The following PHKB variants were observed in gnomAD, a reference collection of about 807,000 sequenced individuals.
PHKB encodes the protein phosphorylase b kinase regulatory subunit beta.
In PHKB, 122 loss-of-function variants were observed where a neutral mutation model predicts 152.1. That is an observed-to-expected ratio of 0.80 (90% confidence interval 0.69 to 0.93). PHKB has a LOEUF of 0.93. Among genes scored for constraint, PHKB ranks in the 40% least tolerant of loss-of-function variants. The pLI, the probability that PHKB is intolerant of heterozygous loss-of-function variation, is 0.00. For synonymous variants in PHKB, 436 were observed against 464.9 expected (o/e 0.94, Z 0.80); for missense variants, 1,304 against 1,328.4 (o/e 0.98, Z 0.29).
intron 5 of PHKB, among the ~76,000 whole-genome samples, chr16:47,514,864 T>A (rs936001254): frequency 2.6e-5 from 4 of 152,362 alleles, no homozygotes; most frequent in African/African-American, 9.6e-5. Context: ...AAATATCTAT[T>A]TTTAATACAC....
intron 14 of PHKB, among the ~76,000 whole-genome samples, chr16:47,639,456 T>C (rs767944069): frequency 4.9e-4 from 75 of 152,106 alleles, no homozygotes; most frequent in Non-Finnish European, 6.3e-4. Context: ...TGGGCTGGAG[T>C]TGTAAGTCCA....
intron 13 of PHKB, chr16:47,598,746 A>G: frequency 6.3e-7 from 1 of 1,587,166 alleles, no homozygotes; most frequent in Admixed American, 1.7e-5. Context: ...GATTTAGTTC[A>G]TGTTCAGCCT....
chr16:47,465,657 A>G (rs922648408), intron 1 of PHKB, among the ~76,000 whole-genome samples: 2 of 152,242 alleles, frequency 1.3e-5, no homozygotes, highest in African/African-American at 4.8e-5. Context: ...TGTTAAAATA[A>G]TAAGTACCAT....
intron 1 of PHKB, among the ~76,000 whole-genome samples, chr16:47,474,488 T>A (rs1283010878): frequency 6.6e-6 from 1 of 152,216 alleles, no homozygotes; most frequent in Non-Finnish European, 1.5e-5. Context: ...TTTGAAAATA[T>A]ACTCATCAGG....
chr16:47,652,869 C>T (rs140203581), intron 20 of PHKB, among the ~76,000 whole-genome samples: 2 of 152,284 alleles, frequency 1.3e-5, no homozygotes, highest in East Asian at 1.9e-4. Context: ...TCTCAAACTC[C>T]TGGGCTCAAG....
chr16:47,658,093 T>C (rs1973370475), intron 20 of PHKB, among the ~76,000 whole-genome samples: 1 of 152,180 alleles, frequency 6.6e-6, no homozygotes, highest in Non-Finnish European at 1.5e-5. Flanking sequence ...CTTCAAATGG[T>C]CTATGTGCTC....
intron 1 of PHKB, among the ~76,000 whole-genome samples, chr16:47,465,888 C>T (rs1969660310): frequency 6.6e-6 from 1 of 152,194 alleles, no homozygotes; most frequent in African/African-American, 2.4e-5. Context: ...TATTTTAAAG[C>T]ACATCCTTGC....
In PHKB at chr16:47,530,132, CTTTTTTT is replaced by C. The variant is rs201960518; in HGVS notation, c.594+14545_594+14551del. ...AAGGAGATACTGATTATATAAACTCCTTTTTTTTTTTTTTTTTTTTCCAGACAGAGTC... is the reference window on the plus strand; with the variant it reads ...AAGGAGATACTGATTATATAAACTCCTTTTTTTTTTTTTCCAGACAGAGTC... On this transcript the variant is annotated intron_variant, in intron 6 of 30. Coordinates refer to ENST00000323584, the MANE Select transcript of PHKB (RefSeq NM_000293.3). Among the ~76,000 whole-genome samples the C allele has an allele frequency of 3.7e-3, 483 of 129,722 alleles. 2 individuals carry two copies. The highest frequency in any genetic ancestry group is 0.012 in the Middle Eastern group (3 of 254). The allele number at this position is 129,722 out of a possible 152,430, so 85.1% of individuals were successfully genotyped here. A position where few individuals can be genotyped will look rare whatever the true frequency, so the allele number is the denominator to read the frequency against.
rs199709286 is a variant in PHKB, at chr16:47,664,896, G to A, written c.2348G>A (p.Arg783His). The stretch of plus-strand genomic sequence containing the variant: ...ACTGACACACCCAGGTTGGCGGTGC[G>A]CTACGGGGCTGCATTTACCCAGAAA... ...AGSQKLWLAVRYGAAFTQKFS... is the reference protein window; with the variant it reads ...AGSQKLWLAVHYGAAFTQKFS... Residue 783 changes from arginine (R) to histidine (H), a missense_variant, in exon 25 of 31, where the codon CGC becomes CAC. By Grantham distance (29) the Arg-to-His change is conservative (BLOSUM62 0). Coordinates refer to ENST00000323584, the MANE Select transcript of PHKB (RefSeq NM_000293.3). 41 of 1,612,862 alleles carry A rather than the reference G, an allele frequency of 2.5e-5. No individual in the cohort carries two copies. Among genetic ancestry groups the A allele is most frequent in the South Asian group, 2.5e-4 (23 of 90,994 alleles).
At chr16:47,499,516 T>A (rs1412728667) in intron 2 of PHKB, among the ~76,000 whole-genome samples, 1 of 152,268 alleles carries the variant, frequency 6.6e-6, no homozygotes, top group African/African-American at 2.4e-5. Context: ...AAAGGCTTTT[T>A]AAGTCCTAAT....
At chr16:47,647,365 C>T (rs894670041) in intron 16 of PHKB, among the ~76,000 whole-genome samples, 1 of 152,142 alleles carries the variant, frequency 6.6e-6, no homozygotes, top group Non-Finnish European at 1.5e-5. Context: ...CTCAGGTGAT[C>T]CACCCACCTC....
At chr16:47,604,324 ACACTCAGATCT>A (rs1230853848) in intron 13 of PHKB, among the ~76,000 whole-genome samples, 1 of 152,168 alleles carries the variant, frequency 6.6e-6, no homozygotes, top group African/African-American at 2.4e-5. Flanking sequence ...AAATCTTTAC[ACACTCAGATCT>A]ACCAGTGTTT....
chr16:47,599,941 A>AT (rs1443569658), intron 13 of PHKB, among the ~76,000 whole-genome samples: 1 of 152,206 alleles, frequency 6.6e-6, no homozygotes, highest in Non-Finnish European at 1.5e-5. Context: ...TTAAGATTCC[A>AT]GATACAAATT....
At chr16:47,540,560 C>T (rs1971036384) in intron 6 of PHKB, among the ~76,000 whole-genome samples, 1 of 152,000 alleles carries the variant, frequency 6.6e-6, no homozygotes, top group Non-Finnish European at 1.5e-5. Flanking sequence ...TGTGATGTCA[C>T]CCCTGGCGGC....
intron 7 of PHKB, among the ~76,000 whole-genome samples, chr16:47,564,528 T>A (rs1384407306): frequency 6.6e-6 from 1 of 152,024 alleles, no homozygotes; most frequent in Admixed American, 6.6e-5. Context: ...GATTTTTTCC[T>A]TTCTTGCTGA....
chr16:47,616,041 T>C (rs1972508608), intron 14 of PHKB, among the ~76,000 whole-genome samples: 2 of 152,220 alleles, frequency 1.3e-5, no homozygotes, highest in South Asian at 4.1e-4. Context: ...TTGTTTCTTT[T>C]TATTATTGTA....
intron 26 of PHKB, among the ~76,000 whole-genome samples, chr16:47,674,775 C>T (rs976649640): frequency 1.1e-4 from 16 of 152,250 alleles, no homozygotes; most frequent in South Asian, 1.0e-3. Flanking sequence ...GCACTGAACC[C>T]TTGGTACTGT....
intron 16 of PHKB, among the ~76,000 whole-genome samples, chr16:47,645,596 G>A (rs1193540514): frequency 2.0e-4 from 29 of 148,454 alleles, no homozygotes; most frequent in Admixed American, 9.5e-4. Context: ...TACCAGTACC[G>A]TGCTGTTTTG....
chr16:47,467,309 A>G (rs1446084496), intron 1 of PHKB, among the ~76,000 whole-genome samples: 1 of 152,198 alleles, frequency 6.6e-6, no homozygotes, highest in Non-Finnish European at 1.5e-5. Context: ...TCAGAATTTA[A>G]TATTAATAGA....
Sources: allele counts gnomAD v4.1 joint callset (sites outside exome capture counted in the v4.1 genomes callset), GRCh38; gene constraint gnomAD v4.1.1; transcripts MANE v1.5; gene names NCBI Gene and HGNC (gene_info 2026-07-23, HGNC 2026-07-21).